SAMD3: variants seen among roughly 807,000 people sequenced by gnomAD.
SAMD3 encodes sterile alpha motif domain containing 3, also known as sterile alpha motif domain-containing protein 3.
Under a neutral mutation model 58.5 loss-of-function variants are expected in SAMD3, and 63 were observed. The ratio of observed to expected loss-of-function variants is 1.08; its 90% confidence interval spans 0.88 to 1.33. SAMD3 has a LOEUF of 1.33. SAMD3 is among the 40% of genes most tolerant of loss of function. The pLI is 0.00. For missense variants in SAMD3, 604 were observed against 608.4 expected (o/e 0.99, Z 0.08); for synonymous variants, 220 against 210.3 (o/e 1.05, Z -0.40).
intron 9 of SAMD3, among the ~76,000 whole-genome samples, chr6:130,147,210 A>C (rs1347896798): frequency 6.6e-6 from 1 of 152,142 alleles, no homozygotes; most frequent in African/African-American, 2.4e-5. Context: ...TTTTCCTAAA[A>C]CTATAAAGAA....
chr6:130,349,026 C>T (rs1777559125), intron 1 of SAMD3, among the ~76,000 whole-genome samples: 2 of 152,078 alleles, frequency 1.3e-5, no homozygotes, highest in South Asian at 2.1e-4. Flanking sequence ...TTCTTTGAAA[C>T]CAACGAGAAC....
intron 7 of SAMD3, among the ~76,000 whole-genome samples, chr6:130,182,512 A>G (rs575075034): frequency 2.0e-4 from 31 of 152,096 alleles, no homozygotes; most frequent in African/African-American, 7.5e-4. Context: ...TTTCTTGAAA[A>G]TACAAAAAAA....
intron 1 of SAMD3, among the ~76,000 whole-genome samples, chr6:130,358,001 A>G (rs758431597): frequency 6.6e-6 from 1 of 152,258 alleles, no homozygotes. Context: ...TAAATTAGGT[A>G]TAAGACTAGT....
At chr6:130,156,287 C>T (rs944716603) in intron 8 of SAMD3, among the ~76,000 whole-genome samples, 1 of 151,920 alleles carries the variant, frequency 6.6e-6, no homozygotes, top group African/African-American at 2.4e-5. Context: ...GATCACACCA[C>T]TGCACTGCAA....
At chr6:130,309,541 GA>G (rs1776069406) in intron 2 of SAMD3, among the ~76,000 whole-genome samples, 1 of 152,172 alleles carries the variant, frequency 6.6e-6, no homozygotes, top group Non-Finnish European at 1.5e-5. Flanking sequence ...GGCAACTACA[GA>G]GTAAAAAAAT....
chr6:130,161,188 T>C (rs1790247744), intron 8 of SAMD3: 1 of 152,218 alleles, frequency 6.6e-6, no homozygotes, highest in African/African-American at 2.4e-5. Context: ...TAAAGTTAAA[T>C]GCTGAGTTAA....
intron 1 of SAMD3, among the ~76,000 whole-genome samples, chr6:130,315,193 G>A (rs1776320627): frequency 6.6e-6 from 1 of 151,988 alleles, no homozygotes; most frequent in Non-Finnish European, 1.5e-5. Flanking sequence ...AATACAGGAG[G>A]GAAGCAGTTA....
intron 1 of SAMD3, among the ~76,000 whole-genome samples, chr6:130,323,554 G>C (rs1200512229): frequency 6.6e-6 from 1 of 151,674 alleles, no homozygotes; most frequent in Non-Finnish European, 1.5e-5. Context: ...TGTAATCCTA[G>C]CACTTTGGGA....
At chr6:130,166,239 T>C (rs1296279305) in intron 8 of SAMD3, among the ~76,000 whole-genome samples, 1 of 152,194 alleles carries the variant, frequency 6.6e-6, no homozygotes, top group Non-Finnish European at 1.5e-5. Context: ...AAAATGAGGA[T>C]GAACTTACAC....
intron 1 of SAMD3, among the ~76,000 whole-genome samples, chr6:130,356,570 G>A (rs1777834625): frequency 6.6e-6 from 1 of 152,134 alleles, no homozygotes; most frequent in Admixed American, 6.5e-5. Flanking sequence ...AGTCATTAAG[G>A]GTGAAGACTA....
chr6:130,285,480 T>A (rs1775124221), intron 2 of SAMD3, among the ~76,000 whole-genome samples: 1 of 152,146 alleles, frequency 6.6e-6, no homozygotes, highest in Non-Finnish European at 1.5e-5. Flanking sequence ...ACTTTAAATG[T>A]GTTCATGAGA....
intron 1 of SAMD3, among the ~76,000 whole-genome samples, chr6:130,221,081 C>G (rs1427044600): frequency 2.0e-5 from 3 of 152,050 alleles, no homozygotes; most frequent in Admixed American, 2.0e-4. Flanking sequence ...GTCTCGATCT[C>G]CTGACCTTGT....
chr6:130,343,597 G>A (rs1235009386), intron 1 of SAMD3, among the ~76,000 whole-genome samples: 1 of 152,134 alleles, frequency 6.6e-6, no homozygotes, highest in African/African-American at 2.4e-5. Flanking sequence ...TAGGGGCTGG[G>A]TGTACTAAGA....
At chr6:130,278,297 T>G (rs1485499263) in intron 2 of SAMD3, among the ~76,000 whole-genome samples, 2 of 152,154 alleles carry the variant, frequency 1.3e-5, no homozygotes, top group Non-Finnish European at 2.9e-5. Flanking sequence ...CAAATTATCC[T>G]TAAAAACTCT....
intron 1 of SAMD3, among the ~76,000 whole-genome samples, chr6:130,340,218 C>T (rs768942033): frequency 1.3e-5 from 2 of 152,164 alleles, no homozygotes. Flanking sequence ...ACCAAAAGTC[C>T]ACAATGAGTC....
intron 2 of SAMD3, among the ~76,000 whole-genome samples, chr6:130,255,639 T>C (rs1289191000): frequency 2.6e-5 from 4 of 152,142 alleles, no homozygotes; most frequent in African/African-American, 4.8e-5. Flanking sequence ...TTGGTTTTAT[T>C]ACATATTCTA....
At chr6:130,276,062 G>A (rs367678462) in intron 2 of SAMD3, among the ~76,000 whole-genome samples, 6 of 152,048 alleles carry the variant, frequency 3.9e-5, no homozygotes, top group African/African-American at 1.4e-4. Context: ...GTAATTACAG[G>A]GTCCTTATAA....
In SAMD3 at chr6:130,214,334, C is replaced by G. The variant is rs1404534540; in HGVS notation, c.269+3G>C. The G allele has an allele frequency of 6.4e-7, 1 of 1,572,014 alleles. No homozygotes were observed. The highest frequency in any genetic ancestry group is 1.2e-5 in the South Asian group (1 of 83,764). On this transcript the variant is annotated splice_donor_region_variant and intron_variant, in intron 4 of 11. Transcript: ENST00000439090. ...AAATAAGGCCATTTATGAACATACT[C>G]ACTCTCGAGCTGCTTCTGTTTGCAT...
At chr6:130,255,406 CTACTATT>C (rs1483541591) in intron 2 of SAMD3, among the ~76,000 whole-genome samples, 14 of 152,196 alleles carry the variant, frequency 9.2e-5, no homozygotes, top group Admixed American at 6.5e-4. Flanking sequence ...TTGAAGCCCC[CTACTATT>C]ATTGTATGCA....
Sources: allele counts gnomAD v4.1 joint callset (sites outside exome capture counted in the v4.1 genomes callset), GRCh38; gene constraint gnomAD v4.1.1; transcripts MANE v1.5; gene names NCBI Gene and HGNC (gene_info 2026-07-23, HGNC 2026-07-21).